Variants in VPS13B observed in about 807,000 individuals in gnomAD.
The protein encoded by VPS13B is intermembrane lipid transfer protein VPS13B.
Under a neutral mutation model 426.4 loss-of-function variants are expected in VPS13B, and 285 were observed. The ratio of observed to expected loss-of-function variants is 0.67; its 90% CI spans 0.61 to 0.74. VPS13B has a LOEUF of 0.74. Among genes scored for constraint, VPS13B ranks in the 30% least tolerant of loss-of-function variants. VPS13B has a pLI of 0.00. For missense variants in VPS13B, 4,537 were observed against 4,782.6 expected (o/e 0.95, Z 1.51); for synonymous variants, 1,676 against 1,676.4 (o/e 1.00, Z 0.01).
intron 44 of VPS13B, among the ~76,000 whole-genome samples, chr8:99,813,236 C>T (rs989543339): frequency 1.3e-5 from 2 of 152,110 alleles, no homozygotes; most frequent in Non-Finnish European, 2.9e-5. Context: ...AATTTGAAAG[C>T]CTATTTAACA....
At chr8:99,410,114 A>G (rs1316360134) in intron 21 of VPS13B, among the ~76,000 whole-genome samples, 1 of 152,208 alleles carries the variant, frequency 6.6e-6, no homozygotes, top group East Asian at 1.9e-4. Context: ...AACCAACTGT[A>G]TCTCTAAAGC....
chr8:99,049,464 G>T (rs1016667007), intron 3 of VPS13B, among the ~76,000 whole-genome samples: 1 of 151,636 alleles, frequency 6.6e-6, no homozygotes, highest in Non-Finnish European at 1.5e-5. Context: ...TAATTGCTTT[G>T]TTTAAGGAGG....
intron 35 of VPS13B, among the ~76,000 whole-genome samples, chr8:99,662,206 G>T (rs2129772164): frequency 6.6e-6 from 1 of 152,110 alleles, no homozygotes; most frequent in South Asian, 2.1e-4. Context: ...ACTAATTTGG[G>T]CATAACTAAA....
intron 21 of VPS13B, among the ~76,000 whole-genome samples, chr8:99,427,896 G>C (rs578144535): frequency 6.6e-6 from 1 of 152,106 alleles, no homozygotes; most frequent in African/African-American, 2.4e-5. Context: ...GTACTACAAG[G>C]CTACAGTAAC....
chr8:99,341,757 G>T, intron 19 of VPS13B: 1 of 395,568 alleles, frequency 2.5e-6, no homozygotes, highest in South Asian at 2.3e-5. Flanking sequence ...AATAACATCA[G>T]CAATCTGGGT....
At chr8:99,271,742 C>A (rs1818620872) in intron 17 of VPS13B, among the ~76,000 whole-genome samples, 1 of 152,070 alleles carries the variant, frequency 6.6e-6, no homozygotes, top group African/African-American at 2.4e-5. Context: ...GAGAGAATTG[C>A]CAACGAATGA....
intron 25 of VPS13B, among the ~76,000 whole-genome samples, chr8:99,483,951 A>G (rs1250313202): frequency 2.0e-5 from 3 of 152,138 alleles, no homozygotes; most frequent in Non-Finnish European, 4.4e-5. Context: ...TGTGAAATGT[A>G]ATAAAAATAA....
intron 19 of VPS13B, among the ~76,000 whole-genome samples, chr8:99,345,479 T>C (rs937394599): frequency 6.6e-6 from 1 of 152,232 alleles, no homozygotes; most frequent in Non-Finnish European, 1.5e-5. Context: ...TGGTGGTATT[T>C]TGTGTAACTT....
intron 2 of VPS13B, among the ~76,000 whole-genome samples, chr8:99,037,928 A>G (rs1842819663): frequency 6.6e-6 from 1 of 151,602 alleles, no homozygotes; most frequent in South Asian, 2.1e-4. Context: ...TTGACTTAGA[A>G]TACTGTTCTA....
Position 99,859,381 on chromosome 8 carries a change from T to C in VPS13B, c.10945T>C (p.Phe3649Leu). Reference protein sequence around the residue: ...VRSIGNGVADFFRLPYEGLTR... With the variant: ...VRSIGNGVADLFRLPYEGLTR... ...AAGCATCGGGAACGGGGTCGCCGAC[T>C]TCTTCAGGCTTCCGTATGAGGGGCT... Residue 3649 changes from phenylalanine to leucine, a missense_variant, in exon 57 of 62, where the codon TTC (phenylalanine) becomes CTC (leucine). Transcript: ENST00000357162. The C allele has an allele frequency of 1.2e-6, 2 of 1,614,128 alleles. No homozygotes were observed. Among genetic ancestry groups the C allele is most frequent in the South Asian group, 2.2e-5 (2 of 91,078 alleles).
At chr8:99,621,820 C>CTTTTTTTTTTTTT (rs749078781) in intron 33 of VPS13B, among the ~76,000 whole-genome samples, 10 of 83,238 alleles carry the variant, frequency 1.2e-4, no homozygotes, top group East Asian at 4.3e-4. Context: ...TGTTTTGTTT[C>CTTTTTTTTTTTTT]TTTTTTTTTT....
At chr8:99,760,508 A>G (rs1260299721) in intron 39 of VPS13B, among the ~76,000 whole-genome samples, 1 of 152,138 alleles carries the variant, frequency 6.6e-6, no homozygotes, top group Non-Finnish European at 1.5e-5. Flanking sequence ...TTTAAGTGGT[A>G]GGGCCAGGAT....
chr8:99,037,380 C>T (rs540932489), intron 2 of VPS13B, among the ~76,000 whole-genome samples: 1 of 151,948 alleles, frequency 6.6e-6, no homozygotes, highest in East Asian at 1.9e-4. Flanking sequence ...GTATTCTAAG[C>T]TTTATATAGA....
intron 8 of VPS13B, among the ~76,000 whole-genome samples, chr8:99,131,044 A>G (rs920073619): frequency 2.6e-5 from 4 of 152,184 alleles, no homozygotes; most frequent in African/African-American, 9.7e-5. Context: ...TTTAAAAGTG[A>G]TGAATATATC....
At chr8:99,482,706 A>G (rs1264166340) in intron 25 of VPS13B, among the ~76,000 whole-genome samples, 1 of 152,214 alleles carries the variant, frequency 6.6e-6, no homozygotes, top group African/African-American at 2.4e-5. Flanking sequence ...CTTCTAGTGT[A>G]TATTGAAATC....
At chr8:99,201,291 C>T (rs1384426258) in intron 17 of VPS13B, among the ~76,000 whole-genome samples, 1 of 152,038 alleles carries the variant, frequency 6.6e-6, no homozygotes, top group Admixed American at 6.6e-5. Flanking sequence ...TTTACCATTT[C>T]TTTCATTATA....
At chr8:99,865,298 G>A (rs1817043331) in intron 58 of VPS13B, among the ~76,000 whole-genome samples, 1 of 152,230 alleles carries the variant, frequency 6.6e-6, no homozygotes, top group South Asian at 2.1e-4. Context: ...GCTGCATTCT[G>A]CGTTTCCTCC....
chr8:99,014,709 AAG>A (rs1841524332), intron 2 of VPS13B, among the ~76,000 whole-genome samples: 1 of 151,568 alleles, frequency 6.6e-6, no homozygotes, highest in Non-Finnish European at 1.5e-5. Flanking sequence ...AAAAAAAAAA[AAG>A]AGCAGATTCA....
At chr8:99,297,702 G>C (rs7001154) in intron 19 of VPS13B, among the ~76,000 whole-genome samples, 125,747 of 152,196 alleles carry the variant, frequency 0.83, 52,460 homozygotes, top group South Asian at 0.89. Context: ...GGTGAACATC[G>C]TTTTAGACAA....
Sources: gnomAD v4.1 joint callset for allele counts (sites outside exome capture counted in the v4.1 genomes callset) on GRCh38, gnomAD v4.1.1 for gene constraint, MANE v1.5 for transcripts, NCBI Gene and HGNC (gene_info 2026-07-23, HGNC 2026-07-21) for gene names.